Variants in CDKN2B-AS1 observed in about 807,000 individuals in gnomAD.
The protein encoded by CDKN2B-AS1 is CDKN2B antisense RNA 1 (non-protein coding).
At chr9:22,021,617 G>T (rs886629556) in intron 1 of CDKN2B-AS1, among the ~76,000 whole-genome samples, 2 of 151,994 alleles carry the variant, frequency 1.3e-5, no homozygotes, top group Admixed American at 1.3e-4. Flanking sequence ...GTAGTTTGTG[G>T]TTCTCCTTGT....
intron 4 of CDKN2B-AS1, among the ~76,000 whole-genome samples, chr9:22,059,622 G>A (rs1488197883): frequency 6.6e-6 from 1 of 152,194 alleles, no homozygotes; most frequent in Non-Finnish European, 1.5e-5. Flanking sequence ...GAAGGACGAT[G>A]GCCCTCTTCT....
chr9:22,071,085 G>C (rs1412007373), intron 4 of CDKN2B-AS1, among the ~76,000 whole-genome samples: 1 of 151,794 alleles, frequency 6.6e-6, no homozygotes. Context: ...AGTTACAAGA[G>C]ATGTTAGTTT....
intron 4 of CDKN2B-AS1, among the ~76,000 whole-genome samples, chr9:22,081,238 T>C: frequency 6.6e-6 from 1 of 152,068 alleles, no homozygotes; most frequent in East Asian, 1.9e-4. Context: ...CCAAGTTACT[T>C]ATTCATTCCC....
At chr9:22,124,931 G>A (rs1817995645) in intron 4 of CDKN2B-AS1, among the ~76,000 whole-genome samples, 1 of 152,218 alleles carries the variant, frequency 6.6e-6, no homozygotes, top group East Asian at 1.9e-4. Flanking sequence ...GTGACCTTGG[G>A]AAACTCTTCA....
At chr9:22,126,644 C>G (rs1432316744) in intron 4 of CDKN2B-AS1, among the ~76,000 whole-genome samples, 1 of 139,034 alleles carries the variant, frequency 7.2e-6, no homozygotes, top group Non-Finnish European at 1.5e-5. Context: ...GCTATCTCGG[C>G]TCACTGCAAA....
Position 22,005,705 on chromosome 9 carries a change from A to G in CDKN2B-AS1, n.29+10544A>G. On this transcript the variant is annotated intron_variant and non_coding_transcript_variant, in intron 1 of 4. Coordinates refer to ENST00000650946, the Ensembl canonical transcript of CDKN2B-AS1. This position sits in a 1 kb window ranked among gnomAD's most constrained non-coding sequence, Gnocchi z 4.9. Reference sequence around the variant, plus strand: ...GCACTTTCCCTCAGAAAACCCTGAAAAGCAAACGACCCCTGGAATGTCACA... The same window carrying G: ...GCACTTTCCCTCAGAAAACCCTGAAGAGCAAACGACCCCTGGAATGTCACA... 3.6e-6 allele frequency: 2 copies of G among 553,310 alleles called. No homozygotes were observed. Among genetic ancestry groups the G allele is most frequent in the Non-Finnish European group, 3.3e-6 (1 of 307,524 alleles). 34.3% of individuals were successfully genotyped at this position (553,310 alleles called of 1,614,324 possible). A position where few individuals can be genotyped will look rare whatever the true frequency, so the allele number is the denominator to read the frequency against.
At chr9:22,008,818 A>G in intron 1 of CDKN2B-AS1, 1 of 1,606,772 alleles carries the variant, frequency 6.2e-7, no homozygotes, top group Non-Finnish European at 8.5e-7. Context: ...CGCCTCCCGA[A>G]ACGGTTGACT....
At chr9:22,109,003 C>T (rs1435105240) in intron 4 of CDKN2B-AS1, among the ~76,000 whole-genome samples, 2 of 152,166 alleles carry the variant, frequency 1.3e-5, no homozygotes, top group Admixed American at 6.5e-5. Flanking sequence ...AGCTGCTCTT[C>T]CTTTATTTAA....
chr9:22,041,307 T>C (rs1287657272), intron 1 of CDKN2B-AS1, among the ~76,000 whole-genome samples: 1 of 151,996 alleles, frequency 6.6e-6, no homozygotes, highest in Non-Finnish European at 1.5e-5. Flanking sequence ...CCTGAAGAGT[T>C]GTGTATAACA....
intron 4 of CDKN2B-AS1, among the ~76,000 whole-genome samples, chr9:22,064,352 T>A (rs771151668): frequency 3.0e-4 from 45 of 152,130 alleles, no homozygotes; most frequent in Non-Finnish European, 5.9e-4. Flanking sequence ...TAGCTCTGTG[T>A]CAGATGAAAT....
intron 4 of CDKN2B-AS1, chr9:22,077,833 CT>C (rs1431092287): frequency 1.3e-5 from 2 of 152,104 alleles, no homozygotes; most frequent in Non-Finnish European, 2.9e-5. Context: ...ACCTGCTTCT[CT>C]ATCTTGTTGG....
chr9:22,077,653 G>A (rs1310499382), intron 4 of CDKN2B-AS1: 2 of 152,146 alleles, frequency 1.3e-5, no homozygotes, highest in East Asian at 3.8e-4. Flanking sequence ...ATTTTTCTTG[G>A]TCACATTTAG....
intron 4 of CDKN2B-AS1, among the ~76,000 whole-genome samples, chr9:22,083,220 G>C (rs376131383): frequency 6.6e-6 from 1 of 152,174 alleles, no homozygotes; most frequent in East Asian, 1.9e-4. Context: ...CAAGGCTATA[G>C]ACCTGGTAAT....
chr9:22,065,597 A>C (rs565212016), intron 4 of CDKN2B-AS1: 2 of 152,296 alleles, frequency 1.3e-5, no homozygotes, highest in East Asian at 3.9e-4. Context: ...GGTAGCTCCC[A>C]AGCAGGTTCA....
intron 4 of CDKN2B-AS1, among the ~76,000 whole-genome samples, chr9:22,072,291 A>G (rs1824326902): frequency 1.3e-5 from 2 of 152,166 alleles, no homozygotes; most frequent in Admixed American, 1.3e-4. Flanking sequence ...GAAGCAATTA[A>G]TTTGATTCAC....
chr9:22,045,705 C>G (rs2131271945), intron 1 of CDKN2B-AS1, among the ~76,000 whole-genome samples: 1 of 152,062 alleles, frequency 6.6e-6, no homozygotes, highest in South Asian at 2.1e-4. Flanking sequence ...CACTTAAAGT[C>G]TAAAGTTAAC....
intron 4 of CDKN2B-AS1, among the ~76,000 whole-genome samples, chr9:22,101,136 A>C (rs1304087549): frequency 6.6e-6 from 1 of 152,210 alleles, no homozygotes; most frequent in Non-Finnish European, 1.5e-5. Context: ...CCTTTCAGAG[A>C]CACCCTTCAA....
chr9:22,125,767 A>G (rs1279238150), intron 4 of CDKN2B-AS1, among the ~76,000 whole-genome samples: 1 of 152,234 alleles, frequency 6.6e-6, no homozygotes, highest in Non-Finnish European at 1.5e-5. Context: ...CGCTAGAAAA[A>G]TACTAAAAAC....
intron 4 of CDKN2B-AS1, among the ~76,000 whole-genome samples, chr9:22,057,660 T>C (rs1305051394): frequency 7.2e-5 from 11 of 151,886 alleles, no homozygotes; most frequent in Non-Finnish European, 1.3e-4. Context: ...ATACAAAAAT[T>C]AGCCAGGTGT....
Sources: gnomAD v4.1 joint callset for allele counts (sites outside exome capture counted in the v4.1 genomes callset) on GRCh38, gnomAD v4.1.1 for gene constraint, Gnocchi (gnomAD v3.1) non-coding constraint, MANE v1.5 for transcripts, NCBI Gene and HGNC (gene_info 2026-07-23, HGNC 2026-07-21) for gene names.